Variants in TRIM16 observed in about 807,000 individuals in gnomAD.
The protein encoded by TRIM16 is tripartite motif containing 16, also known as tripartite motif-containing protein 16.
Under a neutral mutation model 50.4 loss-of-function variants are expected in TRIM16, and 33 were observed. That is an observed-to-expected ratio of 0.65 (90% CI 0.50 to 0.88). The LOEUF (loss-of-function observed/expected upper bound fraction) is 0.88. Among genes scored for constraint, TRIM16 ranks in the 40% least tolerant of loss-of-function variants. TRIM16 has a pLI of 0.00. For synonymous variants in TRIM16, 229 were observed against 270.7 expected, an observed-to-expected ratio of 0.85 and a Z score of 1.51; for missense variants, 581 against 686.8, an observed-to-expected ratio of 0.85 and a Z score of 1.72.
intron 6 of TRIM16, among the ~76,000 whole-genome samples, chr17:15,663,024 G>A (rs1988311323): frequency 6.6e-6 from 1 of 152,036 alleles, no homozygotes; most frequent in South Asian, 2.1e-4. Context: ...GCTGGGCTGT[G>A]AACCCTCAGT....
intron 6 of TRIM16, among the ~76,000 whole-genome samples, chr17:15,660,076 GA>G: frequency 6.6e-6 from 1 of 152,200 alleles, no homozygotes; most frequent in South Asian, 2.1e-4. Context: ...TTTTACTAGT[GA>G]GATATAGCCC....
intron 7 of TRIM16, among the ~76,000 whole-genome samples, chr17:15,648,030 C>A (rs1216051626): frequency 6.6e-6 from 1 of 151,860 alleles, no homozygotes; most frequent in Non-Finnish European, 1.5e-5. Context: ...TCGAGACCAT[C>A]CTGGCTAACA....
intron 8 of TRIM16, among the ~76,000 whole-genome samples, chr17:15,639,010 G>A (rs3785641): frequency 1.3e-5 from 2 of 148,314 alleles, no homozygotes; most frequent in East Asian, 4.1e-4. Flanking sequence ...GGGGATGGTG[G>A]GAAGACACAG....
At position 15,651,249 on chromosome 17, in the gene TRIM16, C is replaced by G. The variant is rs937381211; in HGVS notation, c.361G>C (p.Glu121Gln). ...NIKLQSHLLTEPVKDHNWRYC... is the reference protein window; with the variant it reads ...NIKLQSHLLTQPVKDHNWRYC... ...CGCCAGTTGTGGTCCTTCACTGGCT[C>G]GGTCAGCAGGTGGCTTTGCAGTTTG... is the stretch of plus-strand genomic sequence containing the variant. Residue 121 changes from glutamate (E) to glutamine (Q), a missense_variant, in exon 7 of 12, where the codon GAG (glutamate) becomes CAG (glutamine). Glu to Gln is a conservative substitution (Grantham distance 29, BLOSUM62 2). This residue lies in a region of TRIM16 where 450 missense variants were observed against 544.3 expected (regional missense o/e 0.83). Transcript: ENST00000649191. The G allele has an allele frequency of 6.2e-7, 1 of 1,614,184 alleles. No individual in the cohort carries two copies. The highest frequency in any genetic ancestry group is 1.7e-5 in the Admixed American group (1 of 60,026).
intron 6 of TRIM16, among the ~76,000 whole-genome samples, chr17:15,669,578 G>GTA (rs200676937): frequency 0.023 from 3,479 of 152,100 alleles, 134 homozygotes; most frequent in African/African-American, 0.079. Flanking sequence ...CACTTCTACA[G>GTA]TATACTATTT....
intron 7 of TRIM16, among the ~76,000 whole-genome samples, chr17:15,644,927 T>C (rs1425369676): frequency 6.6e-6 from 1 of 152,032 alleles, no homozygotes; most frequent in Non-Finnish European, 1.5e-5. Context: ...GCGATTCTCC[T>C]GCCTCAGCCT....
intron 8 of TRIM16, among the ~76,000 whole-genome samples, chr17:15,640,265 T>C (rs1329619182): frequency 3.4e-5 from 5 of 147,964 alleles, no homozygotes; most frequent in Non-Finnish European, 7.5e-5. Context: ...CCCTGGCACA[T>C]TCACTAGGAT....
chr17:15,637,139 C>A (rs1430956234), intron 8 of TRIM16, among the ~76,000 whole-genome samples: 1 of 144,312 alleles, frequency 6.9e-6, no homozygotes, highest in Non-Finnish European at 1.5e-5. Context: ...CAGCCCCCCG[C>A]CCGGCCAGCC....
intron 7 of TRIM16, among the ~76,000 whole-genome samples, chr17:15,648,233 AAAAAAAAC>A (rs1322263814): frequency 8.7e-5 from 13 of 149,652 alleles, no homozygotes; most frequent in Admixed American, 2.6e-4. Context: ...CTCAAAAAAA[AAAAAAAAC>A]AAAAAACAAA....
At chr17:15,653,297 C>T (rs73272111) in intron 6 of TRIM16, among the ~76,000 whole-genome samples, 2,257 of 152,302 alleles carry the variant, frequency 0.015, 24 homozygotes, top group Middle Eastern at 0.078. Flanking sequence ...TCTTGTACAG[C>T]CTGCAAAACC....
In TRIM16 at chr17:15,668,456, T is replaced by A. The variant is rs1000961086; in HGVS notation, c.-338+8720A>T. ...GATCATGTCACTTCTCTGGTTAAAA[T>A]CTTTCCATGGCTCTAAGAATAAAGA... is the stretch of plus-strand genomic sequence containing the variant. On this transcript the variant is annotated intron_variant, in intron 6 of 11. Transcript: ENST00000649191. Among the ~76,000 whole-genome samples, 8 of 152,294 alleles carry A rather than the reference T, an allele frequency of 5.3e-5. No individual in the cohort carries two copies. In the South Asian group the frequency reaches 1.7e-3, roughly 32 times the overall value.
intron 4 of TRIM16, among the ~76,000 whole-genome samples, chr17:15,679,323 G>A (rs1223923887): frequency 3.9e-5 from 6 of 152,142 alleles, no homozygotes; most frequent in African/African-American, 9.7e-5. Context: ...TATGTCTGGC[G>A]AACAAAGAAT....
At chr17:15,647,382 C>G (rs1262078528) in intron 7 of TRIM16, among the ~76,000 whole-genome samples, 2 of 152,248 alleles carry the variant, frequency 1.3e-5, no homozygotes, top group Non-Finnish European at 2.9e-5. Flanking sequence ...AGCGTGGATA[C>G]TTTTGGCTCT....
At chr17:15,633,488 CT>C (rs1341136241) in intron 9 of TRIM16, among the ~76,000 whole-genome samples, 14 of 148,400 alleles carry the variant, frequency 9.4e-5, no homozygotes, top group African/African-American at 3.0e-4. Context: ...TTTTGAATGC[CT>C]AACCAAAAAT....
intron 3 of TRIM16, 78 bp downstream of exon 3, chr17:15,682,776 G>A (rs1989233946): frequency 7.7e-7 from 1 of 1,303,728 alleles, no homozygotes; most frequent in Non-Finnish European, 9.9e-7. Flanking sequence ...GAGTACGGAA[G>A]TAAGGTATCT....
At chr17:15,632,186 C>T (rs866847868) in intron 10 of TRIM16, among the ~76,000 whole-genome samples, 2 of 151,976 alleles carry the variant, frequency 1.3e-5, no homozygotes, top group Non-Finnish European at 2.9e-5. Context: ...GTCAGGAGTT[C>T]GAGACCAGCC....
chr17:15,632,008 TGTCCTTCTTTGG>T, intron 10 of TRIM16: 1 of 413,018 alleles, frequency 2.4e-6, no homozygotes, highest in Non-Finnish European at 4.4e-6. Context: ...CATGACTAAT[TGTCCTTCTTTGG>T]GTCTCAATTG....
At chr17:15,679,868 C>T (rs1008576804) in intron 4 of TRIM16, among the ~76,000 whole-genome samples, 13 of 148,582 alleles carry the variant, frequency 8.7e-5, no homozygotes, top group Admixed American at 7.5e-4. Context: ...ACCTGGGAGG[C>T]GGAGCTTGCA....
intron 6 of TRIM16, among the ~76,000 whole-genome samples, chr17:15,664,988 C>T (rs1988416015): frequency 1.5e-5 from 2 of 137,736 alleles, no homozygotes; most frequent in African/African-American, 5.6e-5. Flanking sequence ...GCAGAGATGG[C>T]ACCATTGCAC....
Sources: allele counts gnomAD v4.1 joint callset (sites outside exome capture counted in the v4.1 genomes callset), GRCh38; gene constraint gnomAD v4.1.1; regional missense constraint gnomAD v4.1.1; transcripts MANE v1.5; gene names NCBI Gene and HGNC (gene_info 2026-07-23, HGNC 2026-07-21).